Variants in SFRP1 observed in about 807,000 individuals in gnomAD.
The protein encoded by SFRP1 is secreted frizzled-related protein 1.
Under a neutral mutation model 25.9 loss-of-function variants are expected in SFRP1, and 9 were observed. The observed-to-expected ratio is 0.35, with a 90% confidence interval of 0.21 to 0.61. The LOEUF (loss-of-function observed/expected upper bound fraction) is 0.61, where lower values mean the gene tolerates loss of function less well. SFRP1 is among the 20% of genes least tolerant of loss of function. The pLI, the probability that SFRP1 is intolerant of heterozygous loss-of-function variation, is 0.78. For synonymous variants in SFRP1, 178 were observed against 174.0 expected (o/e 1.02, Z -0.18); for missense variants, 346 against 418.2 (o/e 0.83, Z 1.51).
intron 2 of SFRP1, among the ~76,000 whole-genome samples, chr8:41,296,058 G>A (rs1201384922): frequency 6.6e-6 from 1 of 152,196 alleles, no homozygotes; most frequent in East Asian, 1.9e-4. Context: ...CTACAGGGGT[G>A]GCTCTTGCAC....
chr8:41,308,286 AG>A lies in SFRP1; in HGVS notation c.544+329del, dbSNP rs572031050. On this transcript the variant is annotated intron_variant, in intron 1 of 2. Coordinates refer to ENST00000220772, the MANE Select transcript of SFRP1 (RefSeq NM_003012.5). Reference sequence around the variant, plus strand: ...AAGCTCCCCTGTTATTTAAAGCGCAAGGCTTTGTTTCAGGTATGGGAAAGGC... The same window carrying A: ...AAGCTCCCCTGTTATTTAAAGCGCAAGCTTTGTTTCAGGTATGGGAAAGGC... 2.4e-4 allele frequency among the ~76,000 whole-genome samples: 37 copies of A among 152,280 alleles called. No homozygotes were observed. The South Asian group carries it at 7.2e-3, about 30-fold the overall frequency.
At chr8:41,279,081 G>A (rs1803604107) in intron 2 of SFRP1, among the ~76,000 whole-genome samples, 1 of 151,908 alleles carries the variant, frequency 6.6e-6, no homozygotes, top group Admixed American at 6.6e-5. Context: ...AATGACCCAC[G>A]AGTGTTCCTA....
At chr8:41,288,047 G>A (rs560547177) in intron 2 of SFRP1, among the ~76,000 whole-genome samples, 9 of 137,852 alleles carry the variant, frequency 6.5e-5, no homozygotes, top group South Asian at 4.4e-4. Context: ...GCGAGACCCC[G>A]TTTCTATAAA....
intron 2 of SFRP1, among the ~76,000 whole-genome samples, chr8:41,292,004 AC>A (rs1196811739): frequency 6.6e-6 from 1 of 152,010 alleles, no homozygotes; most frequent in Non-Finnish European, 1.5e-5. Flanking sequence ...TCCAAAACTC[AC>A]CAGCTCCTAC....
At position 41,309,111 on chromosome 8, in the gene SFRP1, C is replaced by G. The variant is rs768750338; in HGVS notation, c.49G>C (p.Val17Leu). 4 of 1,505,350 alleles carry G rather than the reference C, an allele frequency of 2.7e-6. No individual in the cohort carries two copies. Among genetic ancestry groups the G allele is most frequent in the Non-Finnish European group, 3.5e-6 (4 of 1,137,226 alleles). The allele number at this position is 1,505,350 out of a possible 1,614,324, so 93.2% of individuals were successfully genotyped here. ...EGGRRGAALG[V>L]LLALGAALLA... is the part of the protein sequence containing the mutation. The stretch of plus-strand genomic sequence containing the variant: ...AGCGCCGCGCCCAGCGCCAGCAGCA[C>G]GCCCAGGGCTGCCCCGCGGCGGCCC... The change falls in exon 1 of 3, where the codon GTG (valine) becomes CTG (leucine). Residue 17 changes from valine (V) to leucine (L), a missense_variant. By Grantham distance (32) the Val-to-Leu change is conservative. Transcript: ENST00000220772.
chr8:41,285,759 G>A (rs1803692073), intron 2 of SFRP1, among the ~76,000 whole-genome samples: 1 of 152,192 alleles, frequency 6.6e-6, no homozygotes, highest in East Asian at 1.9e-4. Context: ...AGCATTCTGG[G>A]GTGAGGCAGG....
rs561540950 is a variant in SFRP1 at position 41,291,500 on chromosome 8, C to T, written c.622+11961G>A. Among the ~76,000 whole-genome samples the T allele has an allele frequency of 2.0e-5, 3 of 152,310 alleles. No individual in the cohort carries two copies. The East Asian group carries it at 5.8e-4, about 29-fold the overall frequency. Reference sequence around the variant, plus strand: ...ACCTTTGCTGCCTGACAAATGCCTACCAGCTCCATGGAGGACAGCACAGGG... The same window carrying T: ...ACCTTTGCTGCCTGACAAATGCCTATCAGCTCCATGGAGGACAGCACAGGG... On this transcript the variant is annotated intron_variant, in intron 2 of 2. Transcript: ENST00000220772.
In SFRP1 at chr8:41,309,075, C is replaced by A. The variant is rs746183289; in HGVS notation, c.85G>T (p.Gly29Cys). 2 of 1,597,762 alleles carry A rather than the reference C, an allele frequency of 1.3e-6. No homozygotes were observed. The highest frequency in any genetic ancestry group is 1.7e-5 in the Admixed American group (1 of 59,592). The change falls in exon 1 of 3, where the codon GGC becomes TGC. Residue 29 changes from glycine to cysteine, a missense_variant. Coordinates refer to ENST00000220772, the MANE Select transcript of SFRP1 (RefSeq NM_003012.5). ...LALGAALLAVGSASEYDYVSF... is the reference protein window; with the variant it reads ...LALGAALLAVCSASEYDYVSF... The stretch of plus-strand genomic sequence containing the variant: ...ACGTAGTCGTACTCGCTGGCCGAGC[C>A]CACGGCCAGAAGCGCCGCGCCCAGC...
Position 41,308,812 on chromosome 8 carries a change from G to A in SFRP1, c.348C>T (p.Leu116=), listed in dbSNP as rs1182875318. The change falls in exon 1 of 3, where the codon CTC becomes CTT. Residue 116 remains leucine, a synonymous_variant. Coordinates refer to ENST00000220772, the MANE Select transcript of SFRP1 (RefSeq NM_003012.5). The part of the protein sequence containing the change: ...HAGTQVFLCS[L]FAPVCLDRPI... ...GCCGGTCCAGGCAGACGGGCGCGAAGAGCGAGCAGAGGAAGACCTGGGTGC... is the reference window on the plus strand; with the variant it reads ...GCCGGTCCAGGCAGACGGGCGCGAAAAGCGAGCAGAGGAAGACCTGGGTGC... 8 of 1,610,504 alleles carry A rather than the reference G, an allele frequency of 5.0e-6. No individual in the cohort carries two copies. The highest frequency in any genetic ancestry group is 1.3e-5 in the African/African-American group (1 of 74,908).
chr8:41,277,585 C>T (rs1803586887), intron 2 of SFRP1, among the ~76,000 whole-genome samples: 2 of 152,210 alleles, frequency 1.3e-5, no homozygotes, highest in South Asian at 4.1e-4. Flanking sequence ...GCTTCTGAGT[C>T]AGCAGCCATG....
intron 2 of SFRP1, chr8:41,271,236 A>G (rs1803501952): frequency 6.5e-6 from 1 of 154,204 alleles, no homozygotes; most frequent in Non-Finnish European, 1.5e-5. Context: ...TTCCAACGTC[A>G]TGTCTCGCTG....
In SFRP1 at chr8:41,265,257, G is replaced by C; in HGVS notation, c.855C>G (p.His285Gln). 2.5e-6 allele frequency: 4 copies of C among 1,613,992 alleles called. No individual in the cohort carries two copies. In the South Asian group the frequency reaches 4.4e-5, roughly 18 times the overall value. Residue 285 changes from histidine to glutamine, a missense_variant, in exon 3 of 3, where the codon CAC (histidine) becomes CAG (glutamine). Coordinates refer to ENST00000220772, the MANE Select transcript of SFRP1 (RefSeq NM_003012.5). ...ACTCCTTGTTTTTCTTGTCCCACTTGTGGATGGCCGTCAGCAAGTACTGGC... is the reference window on the plus strand; with the variant it reads ...ACTCCTTGTTTTTCTTGTCCCACTTCTGGATGGCCGTCAGCAAGTACTGGC... ...VKSQYLLTAI[H>Q]KWDKKNKEFK...
At chr8:41,292,275 A>G (rs377636864) in intron 2 of SFRP1, among the ~76,000 whole-genome samples, 35 of 152,240 alleles carry the variant, frequency 2.3e-4, no homozygotes, top group African/African-American at 7.2e-4. Flanking sequence ...TTGTGTCCCC[A>G]CCCAAATCTC....
At chr8:41,278,084 C>T (rs527772717) in intron 2 of SFRP1, among the ~76,000 whole-genome samples, 1 of 152,240 alleles carries the variant, frequency 6.6e-6, no homozygotes, top group South Asian at 2.1e-4. Flanking sequence ...TGGATGACGT[C>T]TAAACATCCT....
At chr8:41,279,775 C>CA (rs34101728) in intron 2 of SFRP1, among the ~76,000 whole-genome samples, 4,361 of 111,142 alleles carry the variant, frequency 0.039, 109 homozygotes, top group African/African-American at 0.075. Context: ...GCTAAGAAAG[C>CA]AAAAAAAAAA....
chr8:41,277,438 C>T (rs1803585197), intron 2 of SFRP1, among the ~76,000 whole-genome samples: 1 of 152,134 alleles, frequency 6.6e-6, no homozygotes, highest in Admixed American at 6.5e-5. Context: ...GGGATGGTCT[C>T]CTGGGAGGGA....
chr8:41,295,629 C>T (rs769033543), intron 2 of SFRP1, among the ~76,000 whole-genome samples: 11 of 152,070 alleles, frequency 7.2e-5, no homozygotes, highest in Non-Finnish European at 2.9e-5. Context: ...TCCATCCACC[C>T]TCTCACTTAA....
Position 41,299,439 on chromosome 8 carries a change from T to C in SFRP1, c.622+4022A>G, listed in dbSNP as rs542237660. ...AGTCACCCAAAACAGGGCATGTAGT[T>C]TTCCTTGAACTTAATACACAAGTTG... On this transcript the variant is annotated intron_variant, in intron 2 of 2. Transcript: ENST00000220772. 2.5e-3 allele frequency among the ~76,000 whole-genome samples: 372 copies of C among 149,198 alleles called. 6 individuals are homozygous for C. The South Asian group carries it at 0.033, about 13-fold the overall frequency.
At chr8:41,305,927 T>C (rs1309567078) in intron 1 of SFRP1, among the ~76,000 whole-genome samples, 1 of 152,220 alleles carries the variant, frequency 6.6e-6, no homozygotes, top group Non-Finnish European at 1.5e-5. Flanking sequence ...AACAGAGGGC[T>C]CTGTGGCCTC....
Sources: allele counts gnomAD v4.1 joint callset (sites outside exome capture counted in the v4.1 genomes callset), GRCh38; gene constraint gnomAD v4.1.1; transcripts MANE v1.5; gene names NCBI Gene and HGNC (gene_info 2026-07-23, HGNC 2026-07-21).